CXADR: variants seen among roughly 807,000 people sequenced by gnomAD.
CXADR encodes CXADR cell adhesion molecule, also known as coxsackievirus and adenovirus receptor.
CXADR carries 20 observed loss-of-function variants against 40.3 expected under a neutral mutation model. The observed-to-expected ratio is 0.50, with a 90% confidence interval of 0.35 to 0.72. The LOEUF is 0.72. Ranked by LOEUF, CXADR falls within the 30% of genes least tolerant of loss-of-function variation. The probability of loss-of-function intolerance (pLI) is 0.01; values close to 1 mark genes in which losing one functional copy is unlikely to be tolerated. For missense variants in CXADR, 332 were observed against 449.1 expected (o/e 0.74, Z 2.36); for synonymous variants, 150 against 161.3 (o/e 0.93, Z 0.53).
intron 7 of CXADR, chr21:17,576,995 T>A (rs1223060173): frequency 6.6e-6 from 1 of 152,202 alleles, no homozygotes; most frequent in Non-Finnish European, 1.5e-5. Context: ...AAAAATATGT[T>A]ACATTTCCAT....
chr21:17,627,255 C>G, the CXADR span, among the ~76,000 whole-genome samples: 1 of 152,132 alleles, frequency 6.6e-6, no homozygotes, highest in African/African-American at 2.4e-5. Flanking sequence ...ACTCAGGAGG[C>G]TGAGGCAAGA....
the CXADR span, among the ~76,000 whole-genome samples, chr21:17,618,707 T>TAGAAGAGAC: frequency 6.6e-6 from 1 of 152,082 alleles, no homozygotes; most frequent in African/African-American, 2.4e-5. Context: ...CGGCTAATTT[T>TAGAAGAGAC]TGTATTTTTA....
the CXADR span, among the ~76,000 whole-genome samples, chr21:17,620,797 AAAAT>A: frequency 6.6e-6 from 1 of 152,184 alleles, no homozygotes; most frequent in Admixed American, 6.5e-5. Flanking sequence ...GCACAGAGAG[AAAAT>A]AAATAAATAA....
chr21:17,561,488 A>G lies in CXADR; in HGVS notation c.833+12A>G. 1 of 1,601,974 alleles carries G rather than the reference A, an allele frequency of 6.2e-7. No homozygotes were observed. Among genetic ancestry groups the G allele is most frequent in the Non-Finnish European group, 8.5e-7 (1 of 1,174,912 alleles). On this transcript the variant is annotated intron_variant, in intron 6 of 6. Coordinates refer to ENST00000284878, the MANE Select transcript of CXADR (RefSeq NM_001338.5). ...CATCACGATATCAGGTAATTAAGTG[A>G]GACAGGAGTTGACTGATGTATACCA... is the stretch of plus-strand genomic sequence containing the variant.
Position 17,559,105 on chromosome 21 carries a change from A to G in CXADR, c.545A>G (p.Gln182Arg). The change falls in exon 4 of 7, where the codon CAG becomes CGG. Residue 182 changes from glutamine (Q) to arginine (R), a missense_variant. This residue lies in a region of CXADR where 20 missense variants were observed against 56.4 expected (regional missense o/e 0.35). Coordinates refer to ENST00000284878, the MANE Select transcript of CXADR (RefSeq NM_001338.5). ...QYEWQKLSDS[Q>R]KMPTSWLAEM... ...GAGTGGCAAAAATTGTCTGACTCAC[A>G]GAAAATGCCCACTTCATGGTTAGCA... 6.2e-7 allele frequency: 1 copy of G among 1,614,194 alleles called. No homozygotes were observed. Among genetic ancestry groups the G allele is most frequent in the Non-Finnish European group, 8.5e-7 (1 of 1,180,008 alleles).
At chr21:17,603,041 C>T in the CXADR span, among the ~76,000 whole-genome samples, 1 of 152,148 alleles carries the variant, frequency 6.6e-6, no homozygotes, top group African/African-American at 2.4e-5. Flanking sequence ...TAGCGTCTGA[C>T]TCATCAACCC....
the CXADR span, among the ~76,000 whole-genome samples, chr21:17,635,051 G>A: frequency 2.6e-5 from 4 of 152,246 alleles, no homozygotes. Context: ...CTATAGGGAA[G>A]AAATGGATGG....
chr21:17,541,121 T>C (rs569030623), intron 1 of CXADR, among the ~76,000 whole-genome samples: 1 of 152,186 alleles, frequency 6.6e-6, no homozygotes, highest in African/African-American at 2.4e-5. Context: ...GAACCCGTAT[T>C]GACATAACAT....
intron 1 of CXADR, among the ~76,000 whole-genome samples, chr21:17,536,308 A>G (rs984133933): frequency 1.8e-4 from 28 of 152,204 alleles, no homozygotes; most frequent in Admixed American, 6.5e-5. Context: ...AACATTTCTC[A>G]TCAAAAAATA....
downstream of CXADR, among the ~76,000 whole-genome samples, chr21:17,598,203 TTATAA>T (rs1299734377): frequency 7.2e-5 from 11 of 152,012 alleles, no homozygotes; most frequent in Admixed American, 7.2e-4. Flanking sequence ...AAAATATTAA[TTATAA>T]TATAATAAAT....
chr21:17,519,436 GTC>G (rs766311457), intron 1 of CXADR, among the ~76,000 whole-genome samples: 1 of 152,320 alleles, frequency 6.6e-6, no homozygotes, highest in South Asian at 2.1e-4. Context: ...CACTAGTCAT[GTC>G]TGAGTCAGTT....
chr21:17,621,813 A>T, the CXADR span, among the ~76,000 whole-genome samples: 1 of 152,220 alleles, frequency 6.6e-6, no homozygotes, highest in Non-Finnish European at 1.5e-5. Flanking sequence ...TTCATAAATT[A>T]CCCAGTTCCA....
intron 1 of CXADR, among the ~76,000 whole-genome samples, chr21:17,537,318 A>C (rs999295953): frequency 3.9e-5 from 6 of 152,148 alleles, no homozygotes; most frequent in African/African-American, 1.2e-4. Flanking sequence ...ATTCATTCCT[A>C]GTGCAATTTC....
the CXADR span, among the ~76,000 whole-genome samples, chr21:17,601,353 C>T: frequency 2.3e-3 from 348 of 152,112 alleles, 1 homozygote; most frequent in Non-Finnish European, 3.6e-3. Flanking sequence ...GGTGACTCTT[C>T]GTAGTATAAA....
chr21:17,554,687 G>A (rs1053323094), intron 3 of CXADR, among the ~76,000 whole-genome samples: 1 of 152,190 alleles, frequency 6.6e-6, no homozygotes, highest in Non-Finnish European at 1.5e-5. Flanking sequence ...TCTCTCGAAG[G>A]TGAAAATTAA....
rs566408375 is a variant in CXADR at position 17,566,772 on chromosome 21, C to A, written c.*1080C>A. On this transcript the variant is annotated 3_prime_UTR_variant, in exon 7 of 7. Coordinates refer to ENST00000284878, the MANE Select transcript of CXADR (RefSeq NM_001338.5). ...TGGATGATATTTTTTATCATAAATG[C>A]AGAATAATCAAATACATTTTAAGCA... 53 of 962,548 alleles carry A rather than the reference C, an allele frequency of 5.5e-5. No individual in the cohort carries two copies. The African/African-American group carries it at 8.5e-4, about 15-fold the overall frequency. The allele number at this position is 962,548 out of a possible 1,614,324, so 59.6% of individuals were successfully genotyped here.
At chr21:17,519,997 G>A (rs770928847) in intron 1 of CXADR, among the ~76,000 whole-genome samples, 13 of 151,366 alleles carry the variant, frequency 8.6e-5, no homozygotes, top group South Asian at 2.1e-4. Flanking sequence ...ACACACGCAC[G>A]CACATGCACA....
At chr21:17,513,207 C>A in intron 1 of CXADR, 35 bp downstream of exon 1, 1 of 1,352,740 alleles carries the variant, frequency 7.4e-7, no homozygotes, top group Non-Finnish European at 9.5e-7. Context: ...AGCACCCGCC[C>A]AGCCCGGGGG....
chr21:17,559,677 T>G (rs1160325629), intron 4 of CXADR, among the ~76,000 whole-genome samples: 2 of 146,110 alleles, frequency 1.4e-5, no homozygotes, highest in Admixed American at 6.9e-5. Flanking sequence ...GGGTTTTTTT[T>G]TTTTTTTTTT....
Sources: allele counts gnomAD v4.1 joint callset (sites outside exome capture counted in the v4.1 genomes callset), GRCh38; gene constraint gnomAD v4.1.1; regional missense constraint gnomAD v4.1.1; transcripts MANE v1.5; gene names NCBI Gene and HGNC (gene_info 2026-07-23, HGNC 2026-07-21).